The following CDH18 variants were observed in gnomAD, a reference collection of about 807,000 sequenced individuals.
CDH18 encodes cadherin-18.
A neutral mutation model predicts 67.9 loss-of-function variants in CDH18; 31 were observed. That is an observed-to-expected ratio of 0.46 (90% CI 0.34 to 0.62). CDH18 has a LOEUF of 0.62. Among genes scored for constraint, CDH18 ranks in the 20% least tolerant of loss-of-function variants. The pLI is 0.01. For synonymous variants in CDH18, 362 were observed against 347.2 expected (o/e 1.04, Z -0.48); for missense variants, 890 against 975.5 (o/e 0.91, Z 1.17).
chr5:20,234,375 C>T (rs372233735), intron 2 of CDH18, among the ~76,000 whole-genome samples: 1 of 152,058 alleles, frequency 6.6e-6, no homozygotes, highest in East Asian at 1.9e-4. Flanking sequence ...TTTATACTAC[C>T]TATCATTCTA....
intron 6 of CDH18, among the ~76,000 whole-genome samples, chr5:19,608,504 TC>T (rs201726074): frequency 1.3e-4 from 19 of 150,344 alleles, no homozygotes; most frequent in African/African-American, 2.9e-4. Context: ...AAACAACAGC[TC>T]CCCCCCCAAA....
intron 1 of CDH18, among the ~76,000 whole-genome samples, chr5:19,983,180 A>G (rs1156500189): frequency 1.3e-5 from 2 of 152,128 alleles, no homozygotes; most frequent in East Asian, 1.9e-4. Context: ...TCTAACCTAG[A>G]TATTTTTATT....
intron 2 of CDH18, among the ~76,000 whole-genome samples, chr5:20,072,449 T>C (rs1743562905): frequency 6.6e-6 from 1 of 152,048 alleles, no homozygotes; most frequent in African/African-American, 2.4e-5. Flanking sequence ...ACCTTTGAGA[T>C]ACTCCTTGTG....
intron 5 of CDH18, among the ~76,000 whole-genome samples, chr5:19,668,364 C>A (rs1201240802): frequency 3.5e-5 from 4 of 114,622 alleles, no homozygotes; most frequent in Middle Eastern, 4.7e-3. Flanking sequence ...CTATTAGTTT[C>A]TATGACTCTT....
intron 1 of CDH18, among the ~76,000 whole-genome samples, chr5:20,356,228 C>T (rs1334810525): frequency 6.6e-6 from 1 of 152,042 alleles, no homozygotes; most frequent in Admixed American, 6.5e-5. Flanking sequence ...ACTAAAAATG[C>T]AAAAATTAGC....
chr5:20,042,633 T>C (rs1740530834), intron 2 of CDH18, among the ~76,000 whole-genome samples: 1 of 152,202 alleles, frequency 6.6e-6, no homozygotes, highest in African/African-American at 2.4e-5. Flanking sequence ...CAGTCTCCTT[T>C]CAGCAAACCT....
intron 2 of CDH18, among the ~76,000 whole-genome samples, chr5:19,930,265 C>T (rs1793534036): frequency 6.6e-6 from 1 of 151,946 alleles, no homozygotes; most frequent in Admixed American, 6.6e-5. Flanking sequence ...CCAAAGTATG[C>T]ATTCTTAATT....
At chr5:19,561,212 T>C (rs1302838380) in intron 8 of CDH18, among the ~76,000 whole-genome samples, 17 of 152,164 alleles carry the variant, frequency 1.1e-4, no homozygotes, top group Non-Finnish European at 2.9e-5. Context: ...TGCGAAGGTA[T>C]GTTTATAGCA....
chr5:20,306,879 T>TATAC, intron 1 of CDH18, among the ~76,000 whole-genome samples: 1 of 151,838 alleles, frequency 6.6e-6, no homozygotes, highest in East Asian at 1.9e-4. Context: ...CATGTGATAA[T>TATAC]TTATTATGGT....
intron 5 of CDH18, among the ~76,000 whole-genome samples, chr5:19,711,129 A>G (rs974101229): frequency 1.9e-4 from 29 of 152,068 alleles, no homozygotes; most frequent in African/African-American, 6.5e-4. Context: ...TAATATCTGA[A>G]TCTATAAAAA....
chr5:19,747,359 T>G, intron 3 of CDH18, 123 bp from the exon 4 acceptor site: 3 of 724,946 alleles, frequency 4.1e-6, no homozygotes, highest in Non-Finnish European at 6.6e-6. Flanking sequence ...CAGTGCCCTG[T>G]GTGTTACTAC....
chr5:19,969,213 T>C (rs1014030295), intron 2 of CDH18, among the ~76,000 whole-genome samples: 1 of 147,518 alleles, frequency 6.8e-6, no homozygotes, highest in Admixed American at 6.6e-5. Context: ...GGAGAGGATG[T>C]GGAGAAATAG....
At chr5:20,062,526 AGAT>A (rs982361426) in intron 2 of CDH18, among the ~76,000 whole-genome samples, 4 of 152,182 alleles carry the variant, frequency 2.6e-5, no homozygotes, top group African/African-American at 7.2e-5. Context: ...TCACCTTCAT[AGAT>A]GATGATAACA....
intron 2 of CDH18, among the ~76,000 whole-genome samples, chr5:20,069,402 A>AT (rs1193055966): frequency 1.2e-5 from 1 of 83,412 alleles, no homozygotes; most frequent in African/African-American, 3.8e-5. Context: ...TCTTTTTTTT[A>AT]TTATTTTTAT....
chr5:20,190,426 A>G (rs1738445949), intron 2 of CDH18, among the ~76,000 whole-genome samples: 2 of 151,998 alleles, frequency 1.3e-5, no homozygotes, highest in Admixed American at 6.6e-5. Flanking sequence ...GTATTTTCTA[A>G]TCCCCGATTG....
At chr5:19,533,076 T>C (rs1359071257) in intron 9 of CDH18, among the ~76,000 whole-genome samples, 1 of 152,154 alleles carries the variant, frequency 6.6e-6, no homozygotes. Flanking sequence ...TCCATGAGAC[T>C]GAATGAAATC....
intron 3 of CDH18, among the ~76,000 whole-genome samples, chr5:19,791,356 A>AACACACAC (rs58429751): frequency 0.13 from 18,577 of 141,464 alleles, 1,409 homozygotes; most frequent in Non-Finnish European, 0.16. Context: ...TCGACTTTTA[A>AACACACAC]ACACACACAC....
rs148556199 is a variant in CDH18, at chr5:19,525,137, A to G, written c.1391-4359T>C. ...TCTATGAAAGGATTCTGGAAAAACC[A>G]TATCTTGAGGAGGAATTTGAATAAA... On this transcript the variant is annotated intron_variant, in intron 9 of 12. Coordinates refer to ENST00000382275, the MANE Select transcript of CDH18 (RefSeq NM_004934.5). Among the ~76,000 whole-genome samples the G allele has an allele frequency of 2.4e-3, 366 of 152,308 alleles. 2 individuals carry two copies. The highest frequency in any genetic ancestry group is 4.0e-3 in the Non-Finnish European group (274 of 68,034).
chr5:19,682,250 G>A (rs771957149), intron 5 of CDH18, among the ~76,000 whole-genome samples: 15 of 152,120 alleles, frequency 9.9e-5, no homozygotes, highest in Middle Eastern at 3.4e-3. Flanking sequence ...AAAAGTCTTC[G>A]CTGCTTCTTG....
Sources: gnomAD v4.1 joint callset for allele counts (sites outside exome capture counted in the v4.1 genomes callset) on GRCh38, gnomAD v4.1.1 for gene constraint, MANE v1.5 for transcripts, NCBI Gene and HGNC (gene_info 2026-07-23, HGNC 2026-07-21) for gene names.